The following NT5M variants were observed in gnomAD, a reference collection of about 807,000 sequenced individuals.
NT5M encodes 5',3'-nucleotidase, mitochondrial.
NT5M carries 22 observed loss-of-function variants against 22.2 expected under a neutral mutation model. The observed-to-expected ratio is 0.99, with a 90% CI of 0.71 to 1.41. The LOEUF (loss-of-function observed/expected upper bound fraction) is 1.41. Ranked by LOEUF, NT5M falls within the 40% of genes most tolerant of loss-of-function variation. The probability of loss-of-function intolerance (pLI) is 0.00; values close to 1 mark genes in which losing one functional copy is unlikely to be tolerated. For synonymous variants in NT5M, 167 were observed against 133.0 expected (o/e 1.26, Z -1.76); for missense variants, 322 against 314.8 (o/e 1.02, Z -0.17).
intron 3 of NT5M, among the ~76,000 whole-genome samples, chr17:17,340,724 A>G (rs940329095): frequency 1.3e-5 from 2 of 151,646 alleles, no homozygotes; most frequent in East Asian, 3.9e-4. Flanking sequence ...ATGGGGTTTC[A>G]CCATGTTGGC....
At chr17:17,313,318 G>A (rs1229956403) in intron 2 of NT5M, among the ~76,000 whole-genome samples, 1 of 152,140 alleles carries the variant, frequency 6.6e-6, no homozygotes, top group African/African-American at 2.4e-5. Flanking sequence ...ATTCTAGCCT[G>A]GAACATTTTT....
At chr17:17,306,755 T>C in intron 2 of NT5M, 112 bp downstream of exon 2, 1 of 751,802 alleles carries the variant, frequency 1.3e-6, no homozygotes, top group Non-Finnish European at 2.3e-6. Context: ...TCCTTGGCCC[T>C]GCGCAAGGCT....
chr17:17,332,112 C>A (rs1226314985), intron 3 of NT5M, among the ~76,000 whole-genome samples: 1 of 152,072 alleles, frequency 6.6e-6, no homozygotes, highest in East Asian at 1.9e-4. Context: ...TGTCATTCAC[C>A]CAACTCCACA....
At chr17:17,343,880 C>T (rs1328480404) in intron 3 of NT5M, among the ~76,000 whole-genome samples, 1 of 152,180 alleles carries the variant, frequency 6.6e-6, no homozygotes, top group African/African-American at 2.4e-5. Flanking sequence ...TAGAGACAGC[C>T]TGGAGCTGGG....
At chr17:17,306,250 G>A (rs2048797559) in intron 1 of NT5M, among the ~76,000 whole-genome samples, 1 of 152,180 alleles carries the variant, frequency 6.6e-6, no homozygotes, top group Non-Finnish European at 1.5e-5. Context: ...CAAGCACGCA[G>A]TTCCTGATGA....
Position 17,306,606 on chromosome 17 carries a change from G to A in NT5M, c.331G>A (p.Ala111Thr), listed in dbSNP as rs370657759. The change falls in exon 2 of 5, where the codon GCC becomes ACC. Residue 111 changes from alanine to threonine, a missense_variant. Transcript: ENST00000389022. ...TTTTGAACTTGAGCCTCTGCCAGGGGCCGTGGAAGCTGTCAAGGAGATGGC... is the reference window on the plus strand; with the variant it reads ...TTTTGAACTTGAGCCTCTGCCAGGGACCGTGGAAGCTGTCAAGGAGATGGC... ...FFFELEPLPGAVEAVKEMASL... is the reference protein window; with the variant it reads ...FFFELEPLPGTVEAVKEMASL... 7 of 1,613,940 alleles carry A rather than the reference G, an allele frequency of 4.3e-6. No individual in the cohort carries two copies. The highest frequency in any genetic ancestry group is 1.1e-5 in the South Asian group (1 of 91,080).
intron 2 of NT5M, among the ~76,000 whole-genome samples, chr17:17,316,714 TTTTG>T (rs869090833): frequency 9.3e-6 from 1 of 108,058 alleles, no homozygotes; most frequent in African/African-American, 3.5e-5. Context: ...TTTTGTTTTG[TTTTG>T]TTTTTGTTTT....
intron 3 of NT5M, among the ~76,000 whole-genome samples, chr17:17,343,101 G>A (rs368534467): frequency 6.6e-6 from 1 of 152,144 alleles, no homozygotes; most frequent in African/African-American, 2.4e-5. Context: ...GGGAAGATGC[G>A]AAGTAAGTTA....
intron 2 of NT5M, among the ~76,000 whole-genome samples, chr17:17,318,032 A>G (rs1398309587): frequency 6.6e-6 from 1 of 151,760 alleles, no homozygotes; most frequent in African/African-American, 2.4e-5. Flanking sequence ...TCATAGGTGT[A>G]TATCCACGGA....
intron 4 of NT5M, among the ~76,000 whole-genome samples, chr17:17,346,171 G>A (rs1025878000): frequency 2.5e-5 from 3 of 120,746 alleles, no homozygotes; most frequent in South Asian, 3.1e-4. Flanking sequence ...GTGGGTTCCC[G>A]CCAGAGTCAG....
At chr17:17,309,319 C>A (rs1333583828) in intron 2 of NT5M, among the ~76,000 whole-genome samples, 1 of 152,034 alleles carries the variant, frequency 6.6e-6, no homozygotes, top group Non-Finnish European at 1.5e-5. Flanking sequence ...GAGGTAGGAT[C>A]TACCTATGTT....
Position 17,306,667 on chromosome 17 carries a change from C to T in NT5M, c.368+24C>T, listed in dbSNP as rs200523345. 5.7e-3 allele frequency: 8,790 copies of T among 1,546,398 alleles called. 31 individuals are homozygous for T. The highest frequency in any genetic ancestry group is 0.014 in the Middle Eastern group (78 of 5,764). On this transcript the variant is annotated intron_variant, in intron 2 of 4. Transcript: ENST00000389022. Reference sequence around the variant, plus strand: ...AAGTAAGTTTGTCCTCCCAGCCACTCAGTAAGTTTGTCTGAGCAGCCACTG... The same window carrying T: ...AAGTAAGTTTGTCCTCCCAGCCACTTAGTAAGTTTGTCTGAGCAGCCACTG...
intron 2 of NT5M, among the ~76,000 whole-genome samples, chr17:17,314,907 C>A (rs369588570): frequency 6.6e-6 from 1 of 152,174 alleles, no homozygotes; most frequent in African/African-American, 2.4e-5. Context: ...CTGCCCTCCC[C>A]TCCTGGTCGT....
At chr17:17,307,158 A>G (rs2048820836) in intron 2 of NT5M, among the ~76,000 whole-genome samples, 1 of 152,064 alleles carries the variant, frequency 6.6e-6, no homozygotes, top group Non-Finnish European at 1.5e-5. Flanking sequence ...AGATCGCGCC[A>G]TTGCACTCCA....
intron 3 of NT5M, among the ~76,000 whole-genome samples, chr17:17,326,954 C>T (rs2049280163): frequency 1.3e-5 from 2 of 152,146 alleles, no homozygotes; most frequent in Admixed American, 1.3e-4. Flanking sequence ...CTATGTCACC[C>T]AGGCTGGAGT....
chr17:17,336,937 A>G (rs977837361), intron 3 of NT5M, among the ~76,000 whole-genome samples: 1 of 152,212 alleles, frequency 6.6e-6, no homozygotes, highest in South Asian at 2.1e-4. Context: ...GGCTATTGTG[A>G]ATAGTGCTGC....
At chr17:17,345,926 G>A (rs757188729) in intron 4 of NT5M, among the ~76,000 whole-genome samples, 33 of 152,224 alleles carry the variant, frequency 2.2e-4, no homozygotes, top group Non-Finnish European at 2.9e-4. Context: ...GAAACTGCCC[G>A]TGAGTGTTGT....
chr17:17,318,383 C>T (rs112878996), intron 2 of NT5M, among the ~76,000 whole-genome samples: 4,471 of 151,098 alleles, frequency 0.03, 81 homozygotes, highest in Non-Finnish European at 0.049. Context: ...GGGAGGCTGA[C>T]CCAGGAGAAT....
At chr17:17,339,307 TG>T (rs1480924398) in intron 3 of NT5M, among the ~76,000 whole-genome samples, 3 of 152,206 alleles carry the variant, frequency 2.0e-5, no homozygotes, top group African/African-American at 4.8e-5. Context: ...GGATTGTTCC[TG>T]TTTTTTTCAG....
Sources: gnomAD v4.1 joint callset for allele counts (sites outside exome capture counted in the v4.1 genomes callset) on GRCh38, gnomAD v4.1.1 for gene constraint, MANE v1.5 for transcripts, NCBI Gene and HGNC (gene_info 2026-07-23, HGNC 2026-07-21) for gene names.